Variants in NMU observed in about 807,000 individuals in gnomAD.
NMU encodes the protein neuromedin-U.
A neutral mutation model predicts 35.4 loss-of-function variants in NMU; 29 were observed. The observed-to-expected ratio is 0.82, with a 90% confidence interval of 0.61 to 1.12. The LOEUF (loss-of-function observed/expected upper bound fraction) is 1.12. Ranked by LOEUF, NMU falls within the 50% of genes most tolerant of loss-of-function variation. The probability of loss-of-function intolerance (pLI) is 0.00; values close to 1 mark genes in which losing one functional copy is unlikely to be tolerated. For missense variants in NMU, 199 were observed against 206.2 expected (o/e 0.97, Z 0.21); for synonymous variants, 78 against 81.3 (o/e 0.96, Z 0.22).
At chr4:55,619,718 A>C (rs1046563078) in intron 2 of NMU, among the ~76,000 whole-genome samples, 1 of 137,204 alleles carries the variant, frequency 7.3e-6, no homozygotes, top group Non-Finnish European at 1.6e-5. Context: ...GGCAGGGCAC[A>C]GACAAACAAA....
At chr4:55,633,334 A>G (rs7657328) in intron 1 of NMU, among the ~76,000 whole-genome samples, 1 of 130,688 alleles carries the variant, frequency 7.7e-6, no homozygotes, top group African/African-American at 2.7e-5. Context: ...CCAACAAAAA[A>G]GAAAAAAAAA....
At chr4:55,633,814 G>A (rs1715747166) in intron 1 of NMU, among the ~76,000 whole-genome samples, 1 of 152,170 alleles carries the variant, frequency 6.6e-6, no homozygotes, top group Non-Finnish European at 1.5e-5. Flanking sequence ...AGAGGCCTGG[G>A]CAGGAAAAGA....
chr4:55,627,395 GT>G (rs11430338), intron 2 of NMU, among the ~76,000 whole-genome samples: 168 of 148,960 alleles, frequency 1.1e-3, no homozygotes, highest in African/African-American at 3.2e-3. Flanking sequence ...AAATTTTAAA[GT>G]TTTTTTTTTT....
intron 2 of NMU, among the ~76,000 whole-genome samples, chr4:55,618,771 TTC>T (rs1340484992): frequency 6.7e-6 from 1 of 150,244 alleles, no homozygotes. Context: ...TCTCTCTTTC[TTC>T]TCTTTCTTTC....
At chr4:55,618,227 GT>G (rs1323423157) in intron 2 of NMU, among the ~76,000 whole-genome samples, 5 of 152,114 alleles carry the variant, frequency 3.3e-5, no homozygotes, top group African/African-American at 1.2e-4. Flanking sequence ...TTTACTTTAA[GT>G]TCTGGGAAAC....
intron 9 of NMU, among the ~76,000 whole-genome samples, chr4:55,598,089 G>GTTTT (rs10588154): frequency 1.9e-3 from 165 of 85,362 alleles, no homozygotes; most frequent in Non-Finnish European, 2.3e-3. Flanking sequence ...TTTGGTTGTG[G>GTTTT]TTTTTTTTTT....
chr4:55,633,363 A>G (rs567705059), intron 1 of NMU, among the ~76,000 whole-genome samples: 25 of 151,864 alleles, frequency 1.6e-4, no homozygotes, highest in African/African-American at 6.0e-4. Context: ...AGCGACTAAT[A>G]TCCTATGACT....
chr4:55,634,863 G>T (rs1187870095), intron 1 of NMU, among the ~76,000 whole-genome samples: 1 of 151,692 alleles, frequency 6.6e-6, no homozygotes, highest in Non-Finnish European at 1.5e-5. Context: ...TCAAGTAGGG[G>T]AGTCTCTCTT....
At position 55,599,473 on chromosome 4, in the gene NMU, A is replaced by T. The variant is rs555083572; in HGVS notation, c.490-292T>A. 8.2e-4 allele frequency among the ~76,000 whole-genome samples: 125 copies of T among 152,292 alleles called. No homozygotes were observed. In the South Asian group the frequency reaches 0.012, roughly 14 times the overall value. ...ATTTCCTTGATGGTACCAACATTTTAAAACAAATGTTCTCAATTTTAATTT... is the reference window on the plus strand; with the variant it reads ...ATTTCCTTGATGGTACCAACATTTTTAAACAAATGTTCTCAATTTTAATTT... On this transcript the variant is annotated intron_variant, in intron 8 of 9. Transcript: ENST00000264218.
chr4:55,599,577 A>G (rs1286192335), intron 8 of NMU, among the ~76,000 whole-genome samples: 3 of 152,162 alleles, frequency 2.0e-5, no homozygotes, highest in Admixed American at 2.0e-4. Context: ...CAATTCCTTC[A>G]TTCAATCCAT....
chr4:55,595,284 A>G lies in NMU; in HGVS notation c.*132T>C, dbSNP rs538320544. The G allele has an allele frequency of 1.0e-3, 156 of 152,638 alleles. 1 individual carries two copies. Among genetic ancestry groups the G allele is most frequent in the Non-Finnish European group, 1.9e-3 (129 of 68,008 alleles). The allele number at this position is 152,638 out of a possible 1,614,324, so 9.5% of individuals were successfully genotyped here. On this transcript the variant is annotated 3_prime_UTR_variant, in exon 10 of 10. Coordinates refer to ENST00000264218, the MANE Select transcript of NMU (RefSeq NM_006681.4). Reference sequence around the variant, plus strand: ...ATTGAACATTTACAACATTGTTACAACTGAGAACATTGACAACACAGGGAT... The same window carrying G: ...ATTGAACATTTACAACATTGTTACAGCTGAGAACATTGACAACACAGGGAT...
intron 2 of NMU, among the ~76,000 whole-genome samples, chr4:55,619,918 AAG>A (rs1183650252): frequency 7.8e-6 from 1 of 128,908 alleles, no homozygotes; most frequent in Non-Finnish European, 1.7e-5. Context: ...GACACCTCAC[AAG>A]GCAGGGTATT....
chr4:55,627,096 T>C (rs1560525589), intron 2 of NMU, among the ~76,000 whole-genome samples: 1 of 152,240 alleles, frequency 6.6e-6, no homozygotes, highest in Non-Finnish European at 1.5e-5. Flanking sequence ...GGAAGAGCCA[T>C]GGATGCTTGC....
intron 2 of NMU, among the ~76,000 whole-genome samples, chr4:55,628,030 C>G (rs917632552): frequency 6.6e-6 from 1 of 152,192 alleles, no homozygotes; most frequent in Admixed American, 6.5e-5. Context: ...GCCAGTGATA[C>G]AAGGAAAGAA....
rs753215268 is a variant in NMU at position 55,609,103 on chromosome 4, C to G, written c.279+17G>C. ...GGATAATTTTTGTCTACAAACAAAA[C>G]ACTATTTCAAGCTTACCTGAGGCTT... On this transcript the variant is annotated intron_variant, in intron 4 of 9. Coordinates refer to ENST00000264218, the MANE Select transcript of NMU (RefSeq NM_006681.4). 33 of 1,608,876 alleles carry G rather than the reference C, an allele frequency of 2.1e-5. No individual in the cohort carries two copies. The highest frequency in any genetic ancestry group is 2.7e-5 in the Non-Finnish European group (32 of 1,175,430).
chr4:55,618,047 A>C (rs1383734711), intron 2 of NMU, among the ~76,000 whole-genome samples: 1 of 152,202 alleles, frequency 6.6e-6, no homozygotes, highest in African/African-American at 2.4e-5. Context: ...TGTTCACTGT[A>C]CTCAGCATAT....
intron 2 of NMU, among the ~76,000 whole-genome samples, chr4:55,625,788 C>T (rs1188580606): frequency 1.3e-5 from 2 of 151,138 alleles, no homozygotes; most frequent in Non-Finnish European, 2.9e-5. Flanking sequence ...CACTTTTTTC[C>T]CACTTAACAC....
intron 7 of NMU, among the ~76,000 whole-genome samples, chr4:55,603,449 C>T (rs1255805693): frequency 6.6e-6 from 1 of 152,042 alleles, no homozygotes; most frequent in Non-Finnish European, 1.5e-5. Flanking sequence ...TGTACTTTCT[C>T]TTACTAATAC....
At chr4:55,613,110 C>T (rs1245274216) in intron 3 of NMU, among the ~76,000 whole-genome samples, 3 of 151,792 alleles carry the variant, frequency 2.0e-5, no homozygotes, top group African/African-American at 4.8e-5. Context: ...CACGGATGCA[C>T]GTGGGCAAAG....
Sources: gnomAD v4.1 joint callset for allele counts (sites outside exome capture counted in the v4.1 genomes callset) on GRCh38, gnomAD v4.1.1 for gene constraint, MANE v1.5 for transcripts, NCBI Gene and HGNC (gene_info 2026-07-23, HGNC 2026-07-21) for gene names.